ANKRD28: variants seen among roughly 807,000 people sequenced by gnomAD.
The protein encoded by ANKRD28 is serine/threonine-protein phosphatase 6 regulatory ankyrin repeat subunit A.
A neutral mutation model predicts 126.5 loss-of-function variants in ANKRD28; 44 were observed. That is an observed-to-expected ratio of 0.35 (90% CI 0.27 to 0.45). ANKRD28 has a LOEUF of 0.45. Ranked by LOEUF, ANKRD28 falls within the 20% of genes least tolerant of loss-of-function variation. The probability of loss-of-function intolerance (pLI) is 1.00; values close to 1 mark genes in which losing one functional copy is unlikely to be tolerated. For missense variants in ANKRD28, 1,110 were observed against 1,316.6 expected (o/e 0.84, Z 2.43); for synonymous variants, 442 against 468.5 (o/e 0.94, Z 0.73).
Position 15,795,262 on chromosome 3 carries a change from A to T in ANKRD28, c.162T>A (p.Val54=), listed in dbSNP as rs1175475466. The T allele has an allele frequency of 6.2e-7, 1 of 1,612,998 alleles. No individual in the cohort carries two copies. Among genetic ancestry groups the T allele is most frequent in the African/African-American group, 1.3e-5 (1 of 75,022 alleles). ...CTTCTTTCTTAAATATTAGTGCTCG[A>T]ACTTCATCAGGATCTCCGTTAAATA... The part of the protein sequence containing the change: ...QAIFNGDPDE[V]RALIFKKEDV... The change falls in exon 2 of 28, where the codon GTT becomes GTA. Residue 54 remains valine (V), a synonymous_variant. Transcript: ENST00000683139.
At position 15,779,350 on chromosome 3, in the gene ANKRD28, C is replaced by A. The variant is rs368704172; in HGVS notation, c.202-13038G>T. On this transcript the variant is annotated intron_variant, in intron 2 of 27. Transcript: ENST00000683139. ...CCAGCATAGTAACTGGCACATATTA[C>A]TAGACAAGTGAATAAACCAACATAC... 4.6e-5 allele frequency among the ~76,000 whole-genome samples: 7 copies of A among 152,096 alleles called. No homozygotes were observed. In the East Asian group the frequency reaches 7.7e-4, roughly 17 times the overall value.
chr3:15,766,437 C>T, intron 2 of ANKRD28, 125 bp from the exon 3 acceptor site: 1 of 661,528 alleles, frequency 1.5e-6, no homozygotes, highest in Non-Finnish European at 2.6e-6. Context: ...CTTATTACTT[C>T]TATAACTCTA....
Position 15,709,664 on chromosome 3 carries a change from C to T in ANKRD28, c.1406+4G>A. 6 of 1,572,700 alleles carry T rather than the reference C, an allele frequency of 3.8e-6. No homozygotes were observed. Among genetic ancestry groups the T allele is most frequent in the Non-Finnish European group, 5.2e-6 (6 of 1,156,910 alleles). ...CTCCATAAAGAAACTGTATCATACCCTACCTCCCAAATTTGTCCTTTTTAT... is the reference window on the plus strand; with the variant it reads ...CTCCATAAAGAAACTGTATCATACCTTACCTCCCAAATTTGTCCTTTTTAT... On this transcript the variant is annotated splice_donor_region_variant and intron_variant, in intron 13 of 27. Transcript: ENST00000683139.
intron 2 of ANKRD28, among the ~76,000 whole-genome samples, chr3:15,791,082 T>A (rs537403616): frequency 6.6e-6 from 1 of 151,940 alleles, no homozygotes; most frequent in East Asian, 1.9e-4. Flanking sequence ...AAGTAAAAGA[T>A]CTCTATAATG....
chr3:15,811,542 T>C (rs1413791958), intron 1 of ANKRD28, among the ~76,000 whole-genome samples: 1 of 151,926 alleles, frequency 6.6e-6, no homozygotes, highest in Non-Finnish European at 1.5e-5. Context: ...GCAACCTCTG[T>C]CTCCTGGGTT....
At position 15,816,691 on chromosome 3, in the gene ANKRD28, A is replaced by G. The variant is rs180947964; in HGVS notation, c.28-21385T>C. On this transcript the variant is annotated intron_variant, in intron 1 of 27. Coordinates refer to the ANKRD28 transcript ENST00000399451. The surrounding 1 kb of genome is among the most constrained non-coding windows in gnomAD (Gnocchi z 5.0). ...TAAGTTACATGAAACTGAAAAATGT[A>G]TAAGAGCATCTTTTCATATAAAATT... 9.2e-5 allele frequency among the ~76,000 whole-genome samples: 14 copies of G among 152,348 alleles called. No homozygotes were observed. The highest frequency in any genetic ancestry group is 1.5e-4 in the Non-Finnish European group (10 of 68,028).
At chr3:15,703,076 T>TAC (rs1181343561) in intron 14 of ANKRD28, among the ~76,000 whole-genome samples, 2 of 152,142 alleles carry the variant, frequency 1.3e-5, no homozygotes, top group Non-Finnish European at 2.9e-5. Context: ...TACATATATA[T>TAC]ACACAATAAG....
intron 1 of ANKRD28, among the ~76,000 whole-genome samples, chr3:15,834,495 C>T (rs146908932): frequency 9.2e-5 from 14 of 152,130 alleles, no homozygotes; most frequent in Admixed American, 5.2e-4. Context: ...GATGCCTCCA[C>T]GTGCTCTTGA....
intron 14 of ANKRD28, among the ~76,000 whole-genome samples, chr3:15,698,661 T>C (rs1472469484): frequency 6.6e-6 from 1 of 151,900 alleles, no homozygotes; most frequent in Non-Finnish European, 1.5e-5. Context: ...GAGAGTAAAA[T>C]ACCTAGGAAT....
At chr3:15,836,991 T>C (rs1179300313) in intron 1 of ANKRD28, among the ~76,000 whole-genome samples, 1 of 151,214 alleles carries the variant, frequency 6.6e-6, no homozygotes, top group Non-Finnish European at 1.5e-5. Context: ...TCCTTGCTAC[T>C]TGGGAGGCTG....
At chr3:15,670,593 T>A (rs1177606731) in intron 27 of ANKRD28, 37 bp from the exon 28 acceptor site, 1 of 1,579,396 alleles carries the variant, frequency 6.3e-7, no homozygotes, top group Admixed American at 1.8e-5. Context: ...TTAAGCATCC[T>A]GAGATGTATT....
chr3:15,772,654 AACATGT>A (rs1166534883), intron 2 of ANKRD28, among the ~76,000 whole-genome samples: 1 of 152,220 alleles, frequency 6.6e-6, no homozygotes, highest in East Asian at 1.9e-4. Flanking sequence ...AACAAAATCC[AACATGT>A]ACTCATGATT....
At position 15,859,312 on chromosome 3, in the gene ANKRD28, G is replaced by T; in HGVS notation, c.27+65C>A. The T allele has an allele frequency of 4.0e-6, 6 of 1,508,726 alleles. No individual in the cohort carries two copies. In the South Asian group the frequency reaches 7.4e-5, roughly 19 times the overall value. 93.5% of individuals were successfully genotyped at this position (1,508,726 alleles called of 1,614,324 possible). Reference sequence around the variant, plus strand: ...AGCGGGCGTCCCAGCGGCCCACACCGCCGGTCCGCCCTGCTTCCCTTCCTT... The same window carrying T: ...AGCGGGCGTCCCAGCGGCCCACACCTCCGGTCCGCCCTGCTTCCCTTCCTT... On this transcript the variant is annotated intron_variant, in intron 1 of 27. Coordinates refer to the ANKRD28 transcript ENST00000399451.
chr3:15,758,270 T>C (rs1004782848), intron 3 of ANKRD28, among the ~76,000 whole-genome samples: 1 of 152,230 alleles, frequency 6.6e-6, no homozygotes, highest in Non-Finnish European at 1.5e-5. Context: ...ATGCTTTTCT[T>C]TGGCTACCTA....
At chr3:15,782,259 T>C (rs555001981) in intron 2 of ANKRD28, among the ~76,000 whole-genome samples, 62 of 152,204 alleles carry the variant, frequency 4.1e-4, no homozygotes, top group Non-Finnish European at 7.6e-4. Context: ...TAATAATTCC[T>C]GGAGCATGGA....
chr3:15,845,666 T>C lies in ANKRD28; in HGVS notation c.27+13711A>G, dbSNP rs1044567702. Reference sequence around the variant, plus strand: ...GCTGTTGTTAACCTTCACGTATTAGTCCACTCTCACACTGCTATAAATAAC... The same window carrying C: ...GCTGTTGTTAACCTTCACGTATTAGCCCACTCTCACACTGCTATAAATAAC... On this transcript the variant is annotated intron_variant, in intron 1 of 27. Coordinates refer to the ANKRD28 transcript ENST00000399451. The surrounding 1 kb of genome is among the most constrained non-coding windows in gnomAD (Gnocchi z 4.9). Among the ~76,000 whole-genome samples, 1 of 152,190 alleles carries C rather than the reference T, an allele frequency of 6.6e-6. No homozygotes were observed. The highest frequency in any genetic ancestry group is 2.4e-5 in the African/African-American group (1 of 41,450).
At chr3:15,678,479 G>T in intron 23 of ANKRD28, 125 bp from the exon 24 acceptor site, 1 of 796,482 alleles carries the variant, frequency 1.3e-6, no homozygotes, top group Non-Finnish European at 1.8e-6. Flanking sequence ...AGCACTGCCT[G>T]TACACAAACA....
At chr3:15,756,279 T>C (rs17041481) in intron 3 of ANKRD28, among the ~76,000 whole-genome samples, 6,231 of 152,296 alleles carry the variant, frequency 0.041, 416 homozygotes, top group African/African-American at 0.14. Flanking sequence ...ATCCATTTCA[T>C]ACCACAGTTA....
At chr3:15,850,224 T>TATAGAGAG (rs1418223588) in intron 1 of ANKRD28, among the ~76,000 whole-genome samples, 71 of 35,090 alleles carry the variant, frequency 2.0e-3, no homozygotes, top group African/African-American at 2.8e-3. Flanking sequence ...TATATATATA[T>TATAGAGAG]AGAGAGAGAG....
Sources: allele counts gnomAD v4.1 joint callset (sites outside exome capture counted in the v4.1 genomes callset), GRCh38; gene constraint gnomAD v4.1.1; non-coding constraint Gnocchi (gnomAD v3.1); transcripts MANE v1.5; gene names NCBI Gene and HGNC (gene_info 2026-07-23, HGNC 2026-07-21).